The following HIVEP1 variants were observed in gnomAD, a reference collection of about 807,000 sequenced individuals.
The protein encoded by HIVEP1 is zinc finger protein 40.
A neutral mutation model predicts 180.0 loss-of-function variants in HIVEP1; 36 were observed. That is an observed-to-expected ratio of 0.20 (90% CI 0.15 to 0.26). The LOEUF is 0.26. Ranked by LOEUF, HIVEP1 falls within the 10% of genes least tolerant of loss-of-function variation. HIVEP1 has a pLI of 1.00. For missense variants in HIVEP1, 3,143 were observed against 3,268.7 expected (o/e 0.96, Z 0.94); for synonymous variants, 1,239 against 1,239.0 (o/e 1.00, Z 0.00).
chr6:12,156,912 C>T (rs1760090335), intron 7 of HIVEP1, among the ~76,000 whole-genome samples: 1 of 152,078 alleles, frequency 6.6e-6, no homozygotes, highest in African/African-American at 2.4e-5. Flanking sequence ...TTATGTGTCC[C>T]ATTAATTACC....
At chr6:12,007,791 C>T (rs1581467089), upstream of HIVEP1, 2 of 151,830 alleles carry the variant, frequency 1.3e-5, no homozygotes, top group East Asian at 1.9e-4. Context: ...CTGCTCACCC[C>T]GTCCTCTACT....
At chr6:12,090,067 T>C (rs183228751) in intron 3 of HIVEP1, among the ~76,000 whole-genome samples, 2 of 152,182 alleles carry the variant, frequency 1.3e-5, no homozygotes, top group Admixed American at 6.5e-5. Context: ...GTTTTCACCA[T>C]AGAAAACATA....
At chr6:12,200,356 T>A in the HIVEP1 span, among the ~76,000 whole-genome samples, 1 of 152,262 alleles carries the variant, frequency 6.6e-6, no homozygotes, top group African/African-American at 2.4e-5. Context: ...AAGACTGCCC[T>A]GAACTGCTAC....
intron 7 of HIVEP1, among the ~76,000 whole-genome samples, chr6:12,148,809 A>C (rs1231572710): frequency 2.0e-5 from 3 of 152,184 alleles, no homozygotes; most frequent in Non-Finnish European, 2.9e-5. Flanking sequence ...TCACACCTGC[A>C]GTTATCGAAG....
Position 12,080,195 on chromosome 6 carries a change from C to T in HIVEP1, c.41-8989C>T, listed in dbSNP as rs149327038. ...CCTGTCTAAAGAAGGTGCTTTTGGA[C>T]TTTTAGCTCGGCCCCTCACCTGGGC... On this transcript the variant is annotated intron_variant, in intron 2 of 8. Coordinates refer to ENST00000379388, the MANE Select transcript of HIVEP1 (RefSeq NM_002114.4). Among the ~76,000 whole-genome samples, 13 of 152,258 alleles carry T rather than the reference C, an allele frequency of 8.5e-5. No homozygotes were observed. The East Asian group carries it at 1.9e-3, about 23-fold the overall frequency.
intron 3 of HIVEP1, among the ~76,000 whole-genome samples, chr6:12,105,726 ACT>A (rs1324359416): frequency 6.6e-6 from 1 of 151,666 alleles, no homozygotes; most frequent in African/African-American, 2.4e-5. Flanking sequence ...ACACAGACAC[ACT>A]CCTTAGTTTT....
In HIVEP1 at chr6:12,120,499, A is replaced by T; in HGVS notation, c.704A>T (p.Lys235Ile). 5 of 1,614,050 alleles carry T rather than the reference A, an allele frequency of 3.1e-6. No homozygotes were observed. Among genetic ancestry groups the T allele is most frequent in the Middle Eastern group, 3.3e-4 (2 of 6,084 alleles). ...RPNKTARSPP[K>I]LKNSSMDAPN... ...AATAAAACTGCACGTTCCCCTCCCA[A>T]ATTAAAAAACAGTTCAATGGATGCC... The change falls in exon 4 of 9, where the codon AAA becomes ATA. Residue 235 changes from lysine to isoleucine, a missense_variant. Lys to Ile is a moderately radical substitution (Grantham distance 102). Coordinates refer to ENST00000379388, the MANE Select transcript of HIVEP1 (RefSeq NM_002114.4).
At chr6:12,161,322 C>T (rs1010167455) in intron 7 of HIVEP1, 117 bp from the exon 8 acceptor site, 2 of 952,342 alleles carry the variant, frequency 2.1e-6, no homozygotes, top group Admixed American at 2.3e-5. Context: ...TCGTTGTGGG[C>T]AGGGTCCTTG....
intron 7 of HIVEP1, among the ~76,000 whole-genome samples, chr6:12,138,438 T>G (rs935210591): frequency 1.3e-5 from 2 of 152,228 alleles, no homozygotes; most frequent in African/African-American, 4.8e-5. Flanking sequence ...TCTGCACATG[T>G]CCCTGTTTGA....
chr6:12,026,780 A>G (rs1768614158), intron 2 of HIVEP1, among the ~76,000 whole-genome samples: 1 of 152,172 alleles, frequency 6.6e-6, no homozygotes, highest in Admixed American at 6.5e-5. Flanking sequence ...TGAGGCAGCC[A>G]TTTTTTATTG....
At position 12,044,213 on chromosome 6, in the gene HIVEP1, G is replaced by A. The variant is rs7754528; in HGVS notation, c.40+28545G>A. 3.9e-3 allele frequency among the ~76,000 whole-genome samples: 590 copies of A among 152,142 alleles called. 3 individuals are homozygous for A. Among genetic ancestry groups the A allele is most frequent in the African/African-American group, 0.013 (557 of 41,502 alleles). The stretch of plus-strand genomic sequence containing the variant: ...TGAATCTCCACCACCCCCATAGAAC[G>A]CTGTTTTAATCAATTATTGGGTTCT... On this transcript the variant is annotated intron_variant, in intron 2 of 8. Coordinates refer to ENST00000379388, the MANE Select transcript of HIVEP1 (RefSeq NM_002114.4).
chr6:12,146,374 C>T (rs1164872858), intron 7 of HIVEP1, among the ~76,000 whole-genome samples: 6 of 152,106 alleles, frequency 3.9e-5, no homozygotes, highest in African/African-American at 9.7e-5. Flanking sequence ...ACCTAGGAGG[C>T]GGAGATTGCG....
intron 2 of HIVEP1, among the ~76,000 whole-genome samples, chr6:12,017,341 T>G (rs1487519355): frequency 6.6e-6 from 1 of 152,208 alleles, no homozygotes; most frequent in African/African-American, 2.4e-5. Context: ...CCTTCTGATG[T>G]TCAGATGTGT....
At chr6:12,044,956 G>A (rs1263480174) in intron 2 of HIVEP1, among the ~76,000 whole-genome samples, 1 of 152,214 alleles carries the variant, frequency 6.6e-6, no homozygotes, top group African/African-American at 2.4e-5. Context: ...TGTGATGCTT[G>A]CCTGTAACCC....
Position 12,163,494 on chromosome 6 carries a change from A to G in HIVEP1, c.7190A>G (p.Asn2397Ser), listed in dbSNP as rs1562017797. The change falls in exon 9 of 9, where the codon AAT becomes AGT. Residue 2397 changes from asparagine to serine, a missense_variant. Asn to Ser is a conservative substitution (Grantham distance 46, BLOSUM62 1). Transcript: ENST00000379388. ...HSQQQSRTPY[N>S]MVPVGGIHVV... ...CAGCAGCAATCGAGGACACCTTATA[A>G]TATGGTTCCAGTTGGGGGGATCCAT... 2.5e-6 allele frequency: 4 copies of G among 1,614,014 alleles called. No homozygotes were observed. The highest frequency in any genetic ancestry group is 1.7e-5 in the Admixed American group (1 of 60,002).
At chr6:12,021,688 G>A (rs888408450) in intron 2 of HIVEP1, among the ~76,000 whole-genome samples, 30 of 152,226 alleles carry the variant, frequency 2.0e-4, no homozygotes, top group African/African-American at 6.7e-4. Flanking sequence ...TTTTTGAGAC[G>A]GAGTTTCACT....
the HIVEP1 span, among the ~76,000 whole-genome samples, chr6:12,201,676 ATTCTG>A: frequency 6.6e-6 from 1 of 152,206 alleles, no homozygotes; most frequent in Non-Finnish European, 1.5e-5. Context: ...TTTGATCCTA[ATTCTG>A]TTCTATGGAT....
chr6:12,149,696 C>A (rs1759588990), intron 7 of HIVEP1, among the ~76,000 whole-genome samples: 1 of 152,132 alleles, frequency 6.6e-6, no homozygotes, highest in African/African-American at 2.4e-5. Flanking sequence ...TAATTAATGT[C>A]AGTGTTTTCC....
the HIVEP1 span, among the ~76,000 whole-genome samples, chr6:12,206,282 C>T: frequency 5.7e-4 from 86 of 152,124 alleles, 2 homozygotes; most frequent in Non-Finnish European, 7.8e-4. Flanking sequence ...TGCAGGTGCC[C>T]GCCACCACAC....
Sources: allele counts gnomAD v4.1 joint callset (sites outside exome capture counted in the v4.1 genomes callset), GRCh38; gene constraint gnomAD v4.1.1; transcripts MANE v1.5; gene names NCBI Gene and HGNC (gene_info 2026-07-23, HGNC 2026-07-21).